The following MTRR variants were observed in gnomAD, a reference collection of about 807,000 sequenced individuals.
MTRR encodes 5-methyltetrahydrofolate-homocysteine methyltransferase reductase.
In MTRR, 63 loss-of-function variants were observed where a neutral mutation model predicts 79.2. The ratio of observed to expected loss-of-function variants is 0.80; its 90% CI spans 0.65 to 0.98. The LOEUF (loss-of-function observed/expected upper bound fraction) is 0.98, where lower values mean the gene tolerates loss of function less well. Ranked by LOEUF, MTRR falls within the 50% of genes least tolerant of loss-of-function variation. The probability of loss-of-function intolerance (pLI) is 0.00; values close to 1 mark genes in which losing one functional copy is unlikely to be tolerated. For synonymous variants in MTRR, 355 were observed against 313.3 expected (o/e 1.13, Z -1.41); for missense variants, 895 against 839.6 (o/e 1.07, Z -0.82).
At chr5:7,861,154 C>T (rs754492824) in intron 1 of MTRR, 2 of 1,591,606 alleles carry the variant, frequency 1.3e-6, no homozygotes, top group Admixed American at 3.4e-5. Context: ...CGTACCTGAA[C>T]AACTTGATAA....
chr5:7,858,682 C>T (rs754099641), intron 1 of MTRR, among the ~76,000 whole-genome samples: 13 of 152,108 alleles, frequency 8.5e-5, no homozygotes, highest in Non-Finnish European at 1.5e-4. Context: ...TCATCTCAAC[C>T]TGTTACAGGT....
upstream of MTRR, chr5:7,867,135 T>C: frequency 6.2e-7 from 1 of 1,614,200 alleles, no homozygotes; most frequent in East Asian, 2.2e-5. Context: ...TTGCCCAATT[T>C]TATAATCAGA....
intron 6 of MTRR, among the ~76,000 whole-genome samples, chr5:7,883,503 GCTGAGTTGTGTGGTGCTTGGTTACATA>G (rs1735923279): frequency 7.2e-6 from 1 of 138,362 alleles, no homozygotes; most frequent in African/African-American, 2.6e-5. Flanking sequence ...GGTTACATAT[GCTGAGTTGTGTGGTGCTTGGTTACATA>G]TGCTGAGTTG....
At chr5:7,867,651 C>T, upstream of MTRR, 1 of 1,614,198 alleles carries the variant, frequency 6.2e-7, no homozygotes, top group African/African-American at 1.3e-5. Flanking sequence ...CCTTGATCAC[C>T]ATCCTTTTTT....
rs925358996 is a variant in MTRR, at chr5:7,873,304, C to T, written c.130-69C>T. 3.2e-6 allele frequency: 5 copies of T among 1,584,894 alleles called. No individual in the cohort carries two copies. The African/African-American group carries it at 6.7e-5, about 21-fold the overall frequency. On this transcript the variant is annotated intron_variant, in intron 2 of 14. Coordinates refer to ENST00000440940, the MANE Select transcript of MTRR (RefSeq NM_002454.3). ...ACAAGACAGGAAACTAAGCTGATTG[C>T]TTTGCTGCTGAGTTAAATCAAAAAT... is the stretch of plus-strand genomic sequence containing the variant.
intron 14 of MTRR, among the ~76,000 whole-genome samples, chr5:7,898,695 A>G (rs557665625): frequency 6.6e-6 from 1 of 152,234 alleles, no homozygotes; most frequent in East Asian, 1.9e-4. Context: ...AGAATAGTGG[A>G]GAGGAGAGCC....
rs577162632 is a variant in MTRR, at chr5:7,892,429, A to G, written c.1371-298A>G. Among the ~76,000 whole-genome samples, 3 of 152,330 alleles carry G rather than the reference A, an allele frequency of 2.0e-5. No homozygotes were observed. The East Asian group carries it at 5.8e-4, about 29-fold the overall frequency. Reference sequence around the variant, plus strand: ...CTTCACATCTTTATAATAAATATTGAGTGAATGAATCCTTTACATGAAGAT... The same window carrying G: ...CTTCACATCTTTATAATAAATATTGGGTGAATGAATCCTTTACATGAAGAT... On this transcript the variant is annotated intron_variant, in intron 10 of 14. Coordinates refer to ENST00000440940, the MANE Select transcript of MTRR (RefSeq NM_002454.3).
chr5:7,883,445 GCTGAGTTGTGTGGTGCTTGGTTACA>G (rs1735903517), intron 6 of MTRR, among the ~76,000 whole-genome samples, 168 bp downstream of exon 6: 1 of 141,024 alleles, frequency 7.1e-6, no homozygotes, highest in Admixed American at 7.6e-5. Context: ...GGTTACATAT[GCTGAGTTGTGTGGTGCTTGGTTACA>G]TATGCTGAGT....
intron 9 of MTRR, among the ~76,000 whole-genome samples, 196 bp downstream of exon 9, chr5:7,889,471 T>C (rs1737188949): frequency 6.6e-6 from 1 of 152,218 alleles, no homozygotes; most frequent in African/African-American, 2.4e-5. Context: ...GACATCTGTG[T>C]GCCCTTCCAG....
upstream of MTRR, chr5:7,865,848 G>A: frequency 1.4e-6 from 2 of 1,397,966 alleles, no homozygotes; most frequent in Non-Finnish European, 2.0e-6. Context: ...GAACTTAAAA[G>A]GAAACTGCAC....
chr5:7,868,200 G>GAAAAAAAAAAAAGA (rs1747186309), upstream of MTRR: 1 of 204,566 alleles, frequency 4.9e-6, no homozygotes, highest in South Asian at 1.3e-4. Flanking sequence ...CGAGTATCTG[G>GAAAAAAAAAAAAGA]AAAAAAAAAA....
chr5:7,864,895 A>G (rs1746827652), upstream of MTRR, among the ~76,000 whole-genome samples: 1 of 152,130 alleles, frequency 6.6e-6, no homozygotes, highest in South Asian at 2.1e-4. Flanking sequence ...AAAAAACCAA[A>G]AAGGCTCTAG....
intron 1 of MTRR, chr5:7,869,636 C>T (rs1747531630): frequency 4.1e-6 from 1 of 241,818 alleles, no homozygotes; most frequent in Non-Finnish European, 8.2e-6. Flanking sequence ...TGAGTTCTGC[C>T]CGCGGCCGTG....
At chr5:7,877,857 A>G (rs999076170) in intron 4 of MTRR, 87 bp from the exon 5 acceptor site, 19 of 1,580,366 alleles carry the variant, frequency 1.2e-5, no homozygotes, top group Non-Finnish European at 1.4e-5. Context: ...ATACTTTGCC[A>G]AATGGACAGA....
chr5:7,873,529 A>G lies in MTRR; in HGVS notation c.283+3A>G, dbSNP rs1293719880. 6.2e-7 allele frequency: 1 copy of G among 1,614,012 alleles called. No individual in the cohort carries two copies. The highest frequency in any genetic ancestry group is 8.5e-7 in the Non-Finnish European group (1 of 1,179,984). On this transcript the variant is annotated splice_donor_region_variant and intron_variant, in intron 3 of 14. Transcript: ENST00000440940. ...TCACCTGCGGTATGGGTTACTGGGTAATGGACTCTCTCTTCTGATCTTACT... is the reference window on the plus strand; with the variant it reads ...TCACCTGCGGTATGGGTTACTGGGTGATGGACTCTCTCTTCTGATCTTACT...
chr5:7,891,959 G>A (rs1485276840), intron 10 of MTRR, among the ~76,000 whole-genome samples: 2 of 152,024 alleles, frequency 1.3e-5, no homozygotes, highest in Admixed American at 6.5e-5. Flanking sequence ...GGAGAATGGC[G>A]TGAACCCGGG....
chr5:7,880,592 A>G lies in MTRR; in HGVS notation c.780+2270A>G, dbSNP rs544373235. On this transcript the variant is annotated intron_variant, in intron 5 of 14. Coordinates refer to ENST00000440940, the MANE Select transcript of MTRR (RefSeq NM_002454.3). ...ATAGAGACCATCCCCTGTGTCCTCC[A>G]GCTTTTTAAGGATGTCATTTCTCTC... Among the ~76,000 whole-genome samples the G allele has an allele frequency of 3.9e-5, 6 of 152,352 alleles. No homozygotes were observed. The South Asian group carries it at 1.2e-3, about 32-fold the overall frequency.
upstream of MTRR, among the ~76,000 whole-genome samples, chr5:7,866,347 T>G (rs1746949021): frequency 6.6e-6 from 1 of 150,446 alleles, no homozygotes; most frequent in Non-Finnish European, 1.5e-5. Context: ...TGCTCACTCA[T>G]CAAAAGTTCT....
intron 9 of MTRR, 57 bp from the exon 10 acceptor site, chr5:7,891,315 G>A: frequency 1.7e-6 from 1 of 579,944 alleles, no homozygotes; most frequent in Non-Finnish European, 2.9e-6. Flanking sequence ...TTTTTTTTAG[G>A]TAAGGTTATT....
Sources: gnomAD v4.1 joint callset for allele counts (sites outside exome capture counted in the v4.1 genomes callset) on GRCh38, gnomAD v4.1.1 for gene constraint, MANE v1.5 for transcripts, NCBI Gene and HGNC (gene_info 2026-07-23, HGNC 2026-07-21) for gene names.